AKR1C8: variants seen among roughly 807,000 people sequenced by gnomAD.
The protein encoded by AKR1C8 is aldo-keto reductase family 1 member C-like protein 1.
chr10:5,151,710 C>A, the AKR1C8 span, among the ~76,000 whole-genome samples: 1 of 152,036 alleles, frequency 6.6e-6, no homozygotes, highest in African/African-American at 2.4e-5. Flanking sequence ...GCACACACCA[C>A]CATGCCTGGC....
At chr10:5,134,126 A>G in the AKR1C8 span, among the ~76,000 whole-genome samples, 1 of 152,176 alleles carries the variant, frequency 6.6e-6, no homozygotes, top group Non-Finnish European at 1.5e-5. Flanking sequence ...TTTCAATGAT[A>G]TTAAAAGGAA....
chr10:5,177,958 G>GT, the AKR1C8 span, among the ~76,000 whole-genome samples: 1 of 152,022 alleles, frequency 6.6e-6, no homozygotes, highest in African/African-American at 2.4e-5. Context: ...TTTTTGAAGG[G>GT]TTTTTTGTGT....
At chr10:5,132,599 TACCTTTGAA>T in the AKR1C8 span, 1 of 1,560,060 alleles carries the variant, frequency 6.4e-7, no homozygotes, top group Non-Finnish European at 8.7e-7. Flanking sequence ...ATAGGCACAG[TACCTTTGAA>T]GTGTAGAATA....
the AKR1C8 span, among the ~76,000 whole-genome samples, chr10:5,143,004 G>A: frequency 6.6e-6 from 1 of 152,046 alleles, no homozygotes; most frequent in Non-Finnish European, 1.5e-5. Flanking sequence ...TAATTTATAA[G>A]GAATATATCA....
chr10:5,157,734 A>G, the AKR1C8 span: 1 of 472,372 alleles, frequency 2.1e-6, no homozygotes, highest in South Asian at 1.5e-5. Context: ...CTGGGCTTCC[A>G]CTGTGTTTCT....
chr10:5,141,893 G>A, the AKR1C8 span, among the ~76,000 whole-genome samples: 69 of 152,208 alleles, frequency 4.5e-4, no homozygotes, highest in African/African-American at 1.6e-3. Flanking sequence ...CACCAGGAAT[G>A]GGAGCTACTA....
chr10:5,173,880 A>G, the AKR1C8 span, among the ~76,000 whole-genome samples: 2 of 152,122 alleles, frequency 1.3e-5, no homozygotes, highest in Non-Finnish European at 2.9e-5. Context: ...TTCTCAGTCA[A>G]CTAAATTACT....
the AKR1C8 span, among the ~76,000 whole-genome samples, chr10:5,151,608 A>C: frequency 7.1e-6 from 1 of 140,774 alleles, no homozygotes; most frequent in Non-Finnish European, 1.5e-5. Context: ...CCAGGCTGGC[A>C]TACAGTGGCA....
chr10:5,181,164 A>G, the AKR1C8 span, among the ~76,000 whole-genome samples: 1 of 152,184 alleles, frequency 6.6e-6, no homozygotes, highest in Non-Finnish European at 1.5e-5. Flanking sequence ...AAGCTAATCT[A>G]CTTTAACAAT....
At chr10:5,123,723 C>G in the AKR1C8 span, 25 of 1,611,396 alleles carry the variant, frequency 1.6e-5, no homozygotes, top group Non-Finnish European at 2.0e-5. Context: ...TAGTTCATGT[C>G]GTTGGGTTCC....
At chr10:5,173,416 G>A in the AKR1C8 span, among the ~76,000 whole-genome samples, 5 of 152,024 alleles carry the variant, frequency 3.3e-5, no homozygotes, top group African/African-American at 9.7e-5. Context: ...GAGGAGGAGT[G>A]GGGTTTGGGA....
chr10:5,173,275 T>C, the AKR1C8 span, among the ~76,000 whole-genome samples: 1 of 152,172 alleles, frequency 6.6e-6, no homozygotes, highest in African/African-American at 2.4e-5. Context: ...TGAATATACT[T>C]AAAACTTTGA....
the AKR1C8 span, among the ~76,000 whole-genome samples, chr10:5,136,789 GGAC>G: frequency 1.3e-5 from 2 of 152,032 alleles, no homozygotes; most frequent in African/African-American, 4.8e-5. Flanking sequence ...TGAACATGAA[GGAC>G]AACAATAAGT....
chr10:5,165,769 G>C, the AKR1C8 span, among the ~76,000 whole-genome samples: 1 of 152,088 alleles, frequency 6.6e-6, no homozygotes, highest in African/African-American at 2.4e-5. Flanking sequence ...GGTTAAAACA[G>C]TCCCTTCATT....
the AKR1C8 span, among the ~76,000 whole-genome samples, chr10:5,171,115 T>C: frequency 5.3e-5 from 8 of 152,172 alleles, no homozygotes; most frequent in Non-Finnish European, 1.2e-4. Flanking sequence ...ATTAACATTT[T>C]AGCTCTTTAA....
the AKR1C8 span, among the ~76,000 whole-genome samples, chr10:5,173,616 A>C: frequency 6.6e-6 from 1 of 150,796 alleles, no homozygotes; most frequent in Non-Finnish European, 1.5e-5. Flanking sequence ...TCCCCTAGAA[A>C]ACCGAAAAGC....
chr10:5,134,013 C>G, the AKR1C8 span, among the ~76,000 whole-genome samples: 1 of 152,168 alleles, frequency 6.6e-6, no homozygotes, highest in Non-Finnish European at 1.5e-5. Context: ...ATTGATTTAT[C>G]TACCAAATTT....
the AKR1C8 span, chr10:5,123,400 A>T: frequency 2.8e-6 from 1 of 350,982 alleles, no homozygotes; most frequent in Non-Finnish European, 5.5e-6. Context: ...TGACACAAAT[A>T]ACTGGGTCCT....
chr10:5,166,540 T>G, the AKR1C8 span, among the ~76,000 whole-genome samples: 11 of 152,076 alleles, frequency 7.2e-5, no homozygotes, highest in East Asian at 1.9e-4. Flanking sequence ...AATGGGGAAA[T>G]GATTCCCTAT....
Sources: gnomAD v4.1 joint callset for allele counts (sites outside exome capture counted in the v4.1 genomes callset) on GRCh38, gnomAD v4.1.1 for gene constraint, MANE v1.5 for transcripts, NCBI Gene and HGNC (gene_info 2026-07-23, HGNC 2026-07-21) for gene names.